TOMM5: variants seen among roughly 807,000 people sequenced by gnomAD.
The protein encoded by TOMM5 is translocase of outer mitochondrial membrane 5, also known as mitochondrial import receptor subunit TOM5 homolog.
In TOMM5, 1 loss-of-function variant was observed where a neutral mutation model predicts 4.8. The observed-to-expected ratio is 0.21, with a 90% confidence interval of 0.07 to 0.99. The LOEUF (loss-of-function observed/expected upper bound fraction) is 0.99. TOMM5 is among the 50% of genes least tolerant of loss of function. The pLI is 0.60. For synonymous variants in TOMM5, 26 were observed against 26.7 expected (o/e 0.97, Z 0.08); for missense variants, 60 against 66.6 (o/e 0.90, Z 0.35).
chr9:37,592,261 G>GGCA lies in TOMM5; in HGVS notation c.121+150_121+151insTGC, dbSNP rs770746877. 2.3e-5 allele frequency: 35 copies of GGCA among 1,548,758 alleles called. No individual in the cohort carries two copies. The East Asian group carries it at 2.4e-4, about 11-fold the overall frequency. On this transcript the variant is annotated intron_variant, in intron 1 of 1. Transcript: ENST00000321301. ...GACCCTGACCCGCAGACCTCAAACC[G>GGCA]CGCATATGCCCGTCGCCTTCAACGC...
At chr9:37,589,733 G>C (rs1329093352) in intron 1 of TOMM5, among the ~76,000 whole-genome samples, 1 of 151,980 alleles carries the variant, frequency 6.6e-6, no homozygotes, top group African/African-American at 2.4e-5. Flanking sequence ...TGTTGCCAAG[G>C]CTGGTCTTGA....
chr9:37,589,657 G>T (rs1468899884), intron 1 of TOMM5, among the ~76,000 whole-genome samples: 2 of 151,894 alleles, frequency 1.3e-5, no homozygotes, highest in Admixed American at 1.3e-4. Context: ...GAATAGTTGG[G>T]ACTATAGGCA....
chr9:37,588,773 A>G lies in TOMM5; in HGVS notation c.*125T>C, dbSNP rs1823055488. On this transcript the variant is annotated 3_prime_UTR_variant, in exon 2 of 2. Transcript: ENST00000321301. The stretch of plus-strand genomic sequence containing the variant: ...GTTACCAGAGCCAAACTTGTTCTTA[A>G]CAAGCAGAATTTTATGTCCATTCAA... 1.0e-6 allele frequency: 1 copy of G among 977,556 alleles called. No homozygotes were observed. Among genetic ancestry groups the G allele is most frequent in the Non-Finnish European group, 1.6e-6 (1 of 609,412 alleles). The allele number at this position is 977,556 out of a possible 1,614,324, so 60.6% of individuals were successfully genotyped here.
intron 1 of TOMM5, among the ~76,000 whole-genome samples, chr9:37,589,755 C>G (rs554634571): frequency 1.3e-4 from 20 of 152,038 alleles, no homozygotes; most frequent in Non-Finnish European, 2.8e-4. Context: ...CTCCTGAGCT[C>G]GAACAATCTG....
intron 1 of TOMM5, 58 bp from the exon 2 acceptor site, chr9:37,588,990 T>C (rs1823059341): frequency 3.6e-6 from 5 of 1,401,752 alleles, no homozygotes. Flanking sequence ...TAGGCTACAT[T>C]ATAGAATTAT....
In TOMM5 at chr9:37,592,566, G is replaced by T. The variant is rs200521455; in HGVS notation, c.-34C>A. On this transcript the variant is annotated 5_prime_UTR_variant, in exon 1 of 2. Transcript: ENST00000321301. ...TGACTTAGCAGCTTCCAGCCGCCGC[G>T]CTCTGCTCTCCACGGTGGCCGCCTC... The T allele has an allele frequency of 3.1e-6, 5 of 1,601,570 alleles. No individual in the cohort carries two copies. The highest frequency in any genetic ancestry group is 3.4e-5 in the Admixed American group (2 of 59,682).
In TOMM5 at chr9:37,588,702, C is replaced by G; in HGVS notation, c.*196G>C. On this transcript the variant is annotated 3_prime_UTR_variant, in exon 2 of 2. Transcript: ENST00000321301. ...AAGGGTACACCAGATCACGAGACAT[C>G]GTTTCATACTTCCCAAATAGTTTTA... 4.3e-6 allele frequency: 3 copies of G among 700,012 alleles called. No homozygotes were observed. The highest frequency in any genetic ancestry group is 7.8e-6 in the Non-Finnish European group (3 of 384,148). The allele number at this position is 700,012 out of a possible 1,614,324, so 43.4% of individuals were successfully genotyped here.
At chr9:37,592,307 T>C (rs1255880669) in intron 1 of TOMM5, 105 bp downstream of exon 1, 1 of 1,579,518 alleles carries the variant, frequency 6.3e-7, no homozygotes, top group Non-Finnish European at 8.6e-7. Context: ...TGCTCCCCGC[T>C]ACCGTTCAGC....
intron 1 of TOMM5, among the ~76,000 whole-genome samples, chr9:37,589,886 T>A (rs1423618159): frequency 6.6e-6 from 1 of 152,150 alleles, no homozygotes. Flanking sequence ...CAGCAGTATA[T>A]CCAATTTTTC....
rs187561937 is a variant in TOMM5, at chr9:37,588,740, G to T, written c.*158C>A. The T allele has an allele frequency of 5.1e-5, 38 of 741,100 alleles. No individual in the cohort carries two copies. The Admixed American group carries it at 7.1e-4, about 14-fold the overall frequency. 45.9% of individuals were successfully genotyped at this position (741,100 alleles called of 1,614,324 possible). On this transcript the variant is annotated 3_prime_UTR_variant, in exon 2 of 2. Transcript: ENST00000321301. Reference sequence around the variant, plus strand: ...CCAAATAGTTTTATATTTTAGCTTTGAAGGTCAGTTACCAGAGCCAAACTT... The same window carrying T: ...CCAAATAGTTTTATATTTTAGCTTTTAAGGTCAGTTACCAGAGCCAAACTT...
rs1251473227 is a variant in TOMM5 at position 37,592,221 on chromosome 9, G to A, written c.121+191C>T. 16 of 1,525,378 alleles carry A rather than the reference G, an allele frequency of 1.0e-5. No individual in the cohort carries two copies. In the East Asian group the frequency reaches 2.0e-4, roughly 19 times the overall value. 94.5% of individuals were successfully genotyped at this position (1,525,378 alleles called of 1,614,324 possible). On this transcript the variant is annotated intron_variant, in intron 1 of 1. Transcript: ENST00000321301. ...TAAACACGCGCGCCGGCCACCACGT[G>A]CACTTCAGTGCCCGGACCCTGACCC...
At chr9:37,591,088 G>A (rs899393937) in intron 1 of TOMM5, among the ~76,000 whole-genome samples, 1 of 152,184 alleles carries the variant, frequency 6.6e-6, no homozygotes, top group African/African-American at 2.4e-5. Context: ...CTTATATTCA[G>A]TGTTCCTATA....
At position 37,592,561 on chromosome 9, in the gene TOMM5, G is replaced by A. The variant is rs1364815036; in HGVS notation, c.-29C>T. On this transcript the variant is annotated 5_prime_UTR_variant, in exon 1 of 2. Coordinates refer to ENST00000321301, the MANE Select transcript of TOMM5 (RefSeq NM_001001790.3). Reference sequence around the variant, plus strand: ...GGCTCTGACTTAGCAGCTTCCAGCCGCCGCGCTCTGCTCTCCACGGTGGCC... The same window carrying A: ...GGCTCTGACTTAGCAGCTTCCAGCCACCGCGCTCTGCTCTCCACGGTGGCC... 3.7e-6 allele frequency: 6 copies of A among 1,602,594 alleles called. No homozygotes were observed. Among genetic ancestry groups the A allele is most frequent in the East Asian group, 2.2e-5 (1 of 44,738 alleles).
intron 1 of TOMM5, among the ~76,000 whole-genome samples, chr9:37,591,075 G>T (rs1823092394): frequency 6.6e-6 from 1 of 152,192 alleles, no homozygotes; most frequent in South Asian, 2.1e-4. Context: ...GCTGCTTCCA[G>T]TTCTTATATT....
At position 37,592,409 on chromosome 9, in the gene TOMM5, C is replaced by T. The variant is rs1237142417; in HGVS notation, c.121+3G>A. 1 of 1,613,940 alleles carries T rather than the reference C, an allele frequency of 6.2e-7. No homozygotes were observed. The highest frequency in any genetic ancestry group is 1.3e-5 in the African/African-American group (1 of 74,908). Reference sequence around the variant, plus strand: ...TCACAGTCACAGCCCGGGAGACACTCACTGACTCGCAGGAGGGCCACGTAG... The same window carrying T: ...TCACAGTCACAGCCCGGGAGACACTTACTGACTCGCAGGAGGGCCACGTAG... On this transcript the variant is annotated splice_donor_region_variant and intron_variant, in intron 1 of 1. Coordinates refer to ENST00000321301, the MANE Select transcript of TOMM5 (RefSeq NM_001001790.3).
At chr9:37,592,341 C>T (rs1563900216) in intron 1 of TOMM5, 71 bp downstream of exon 1, 1 of 1,607,936 alleles carries the variant, frequency 6.2e-7, no homozygotes, top group Non-Finnish European at 8.5e-7. Flanking sequence ...CCCGATGACC[C>T]CTTAGAGTTA....
Position 37,592,512 on chromosome 9 carries a change from G to A in TOMM5, c.21C>T (p.Leu7=), listed in dbSNP as rs202059576. The change falls in exon 1 of 2, where the codon CTC becomes CTT. Residue 7 remains leucine (L), a synonymous_variant. Coordinates refer to ENST00000321301, the MANE Select transcript of TOMM5 (RefSeq NM_001001790.3). The part of the protein sequence containing the change: MFRIEG[L]APKLDPEEMK... ...TCTCCTCCGGGTCCAGCTTCGGCGCGAGGCCCTCAATCCGGAACATCGCGG... is the reference window on the plus strand; with the variant it reads ...TCTCCTCCGGGTCCAGCTTCGGCGCAAGGCCCTCAATCCGGAACATCGCGG... The A allele has an allele frequency of 1.2e-6, 2 of 1,613,598 alleles. No homozygotes were observed. Among genetic ancestry groups the A allele is most frequent in the Non-Finnish European group, 8.5e-7 (1 of 1,179,942 alleles).
intron 1 of TOMM5, among the ~76,000 whole-genome samples, chr9:37,590,931 G>T (rs1823090098): frequency 6.6e-6 from 1 of 152,192 alleles, no homozygotes; most frequent in Non-Finnish European, 1.5e-5. Context: ...GATGACTTTG[G>T]TATGGCCTTC....
chr9:37,592,409 C>G lies in TOMM5; in HGVS notation c.121+3G>C. ...TCACAGTCACAGCCCGGGAGACACT[C>G]ACTGACTCGCAGGAGGGCCACGTAG... On this transcript the variant is annotated splice_donor_region_variant and intron_variant, in intron 1 of 1. Coordinates refer to ENST00000321301, the MANE Select transcript of TOMM5 (RefSeq NM_001001790.3). 1 of 1,614,058 alleles carries G rather than the reference C, an allele frequency of 6.2e-7. No individual in the cohort carries two copies. Among genetic ancestry groups the G allele is most frequent in the Non-Finnish European group, 8.5e-7 (1 of 1,179,982 alleles).
Sources: allele counts gnomAD v4.1 joint callset (sites outside exome capture counted in the v4.1 genomes callset), GRCh38; gene constraint gnomAD v4.1.1; transcripts MANE v1.5; gene names NCBI Gene and HGNC (gene_info 2026-07-23, HGNC 2026-07-21).